The following SLC35F4 variants were observed in gnomAD, a reference collection of about 807,000 sequenced individuals.
The protein encoded by SLC35F4 is solute carrier family 35 member F4, also known as chromosome 14 open reading frame 36.
SLC35F4 carries 24 observed loss-of-function variants against 44.2 expected under a neutral mutation model. That is an observed-to-expected ratio of 0.54 (90% CI 0.39 to 0.76). The LOEUF is 0.76. Among genes scored for constraint, SLC35F4 ranks in the 30% least tolerant of loss-of-function variants. The pLI, the probability that SLC35F4 is intolerant of heterozygous loss-of-function variation, is 0.00. For synonymous variants in SLC35F4, 238 were observed against 223.6 expected, an observed-to-expected ratio of 1.06 and a Z score of -0.57; for missense variants, 562 against 586.1, an observed-to-expected ratio of 0.96 and a Z score of 0.42.
At chr14:57,966,356 T>A (rs1011188197) in intron 1 of SLC35F4, among the ~76,000 whole-genome samples, 20 of 152,248 alleles carry the variant, frequency 1.3e-4, no homozygotes, top group African/African-American at 4.6e-4. Flanking sequence ...AATTCTGTAA[T>A]ATATCTTAAA....
intron 1 of SLC35F4, among the ~76,000 whole-genome samples, chr14:57,703,727 A>G (rs1270228510): frequency 6.6e-6 from 1 of 152,214 alleles, no homozygotes; most frequent in Non-Finnish European, 1.5e-5. Context: ...AAAACTCCTC[A>G]GGAAATTATT....
chr14:57,719,483 T>C (rs1355422629), intron 1 of SLC35F4, among the ~76,000 whole-genome samples: 1 of 152,230 alleles, frequency 6.6e-6, no homozygotes, highest in Non-Finnish European at 1.5e-5. Flanking sequence ...TTTGGTGTCC[T>C]CTTCAATTTC....
chr14:57,714,455 G>A (rs1269473750), intron 1 of SLC35F4, among the ~76,000 whole-genome samples: 1 of 152,018 alleles, frequency 6.6e-6, no homozygotes, highest in East Asian at 1.9e-4. Flanking sequence ...CCTTTACAGA[G>A]CAAAACCATT....
chr14:57,833,599 T>G (rs540344486), intron 1 of SLC35F4, among the ~76,000 whole-genome samples: 1 of 152,304 alleles, frequency 6.6e-6, no homozygotes, highest in African/African-American at 2.4e-5. Flanking sequence ...AATGCTCTCC[T>G]CAATTGACAG....
intron 1 of SLC35F4, among the ~76,000 whole-genome samples, chr14:57,808,021 C>A (rs11625236): frequency 0.39 from 59,056 of 151,334 alleles, 12,607 homozygotes; most frequent in African/African-American, 0.53. Flanking sequence ...TTATCATGAA[C>A]ACAGCACAAG....
At chr14:57,830,928 G>C (rs1358345442) in intron 1 of SLC35F4, among the ~76,000 whole-genome samples, 2 of 152,160 alleles carry the variant, frequency 1.3e-5, no homozygotes, top group African/African-American at 4.8e-5. Flanking sequence ...AAGTTCAACA[G>C]CACTTGTATA....
chr14:57,838,691 C>T (rs1885186281), intron 1 of SLC35F4, among the ~76,000 whole-genome samples: 1 of 152,052 alleles, frequency 6.6e-6, no homozygotes, highest in Non-Finnish European at 1.5e-5. Flanking sequence ...TGATCAAGTG[C>T]CAAATAGCCC....
chr14:57,617,486 A>G (rs1026312333), intron 1 of SLC35F4, among the ~76,000 whole-genome samples: 9 of 152,168 alleles, frequency 5.9e-5, no homozygotes, highest in Admixed American at 3.3e-4. Flanking sequence ...AATCAGAGAT[A>G]CCTTTATATA....
At chr14:57,956,252 A>G (rs2141084394) in intron 1 of SLC35F4, among the ~76,000 whole-genome samples, 1 of 152,324 alleles carries the variant, frequency 6.6e-6, no homozygotes, top group Admixed American at 6.5e-5. Flanking sequence ...GAAAACTGAA[A>G]CTAGACCCCT....
intron 1 of SLC35F4, among the ~76,000 whole-genome samples, chr14:57,908,497 T>C (rs1208867867): frequency 1.3e-5 from 2 of 152,114 alleles, no homozygotes; most frequent in African/African-American, 4.8e-5. Flanking sequence ...GAAGAGATGG[T>C]ATCTCGTTGT....
chr14:57,859,211 G>A (rs1006587596), intron 1 of SLC35F4, among the ~76,000 whole-genome samples: 5 of 152,118 alleles, frequency 3.3e-5, no homozygotes, highest in African/African-American at 1.2e-4. Context: ...ACTAGTGATT[G>A]GCGAAGTAGA....
chr14:57,580,488 G>A (rs905975231), intron 4 of SLC35F4: 15 of 358,606 alleles, frequency 4.2e-5, no homozygotes, highest in Admixed American at 2.1e-4. Context: ...GTGGCATGCC[G>A]GATTATATGA....
intron 1 of SLC35F4, among the ~76,000 whole-genome samples, chr14:57,597,904 G>A (rs1299146484): frequency 1.3e-5 from 2 of 152,204 alleles, no homozygotes; most frequent in African/African-American, 4.8e-5. Context: ...GCAGTATACA[G>A]TGGCTAAGAA....
chr14:57,665,119 A>G (rs930531410), intron 1 of SLC35F4, among the ~76,000 whole-genome samples: 2 of 151,796 alleles, frequency 1.3e-5, no homozygotes, highest in African/African-American at 4.8e-5. Context: ...TCAAACATCA[A>G]CCGCCCTCCC....
chr14:57,625,202 T>C lies in SLC35F4; in HGVS notation c.104-31078A>G, dbSNP rs561138068. On this transcript the variant is annotated intron_variant, in intron 1 of 7. Transcript: ENST00000556826. ...ATCATGAGTGAACTCCCATTCACAA[T>C]TGCTACAAAGAGAATAAAATACATA... is the stretch of plus-strand genomic sequence containing the variant. Among the ~76,000 whole-genome samples, 8 of 152,106 alleles carry C rather than the reference T, an allele frequency of 5.3e-5. 1 individual carries two copies. Among genetic ancestry groups the C allele is most frequent in the African/African-American group, 1.2e-4 (5 of 41,504 alleles).
chr14:57,726,303 GA>G (rs1046347900), intron 1 of SLC35F4, among the ~76,000 whole-genome samples: 3 of 151,678 alleles, frequency 2.0e-5, no homozygotes, highest in South Asian at 2.1e-4. Flanking sequence ...CACTCTACCA[GA>G]AAAAAAACCA....
intron 1 of SLC35F4, among the ~76,000 whole-genome samples, chr14:57,659,427 T>C (rs1594732756): frequency 6.6e-6 from 1 of 152,188 alleles, no homozygotes; most frequent in East Asian, 1.9e-4. Flanking sequence ...CCTACATCTG[T>C]GCCACCCAGA....
intron 1 of SLC35F4, among the ~76,000 whole-genome samples, chr14:57,671,102 C>A (rs1209289022): frequency 6.6e-6 from 1 of 151,926 alleles, no homozygotes; most frequent in Non-Finnish European, 1.5e-5. Context: ...AGGGGTTTCA[C>A]TATGTTGGCC....
chr14:57,772,511 C>A (rs575964510), intron 1 of SLC35F4, among the ~76,000 whole-genome samples: 3 of 152,242 alleles, frequency 2.0e-5, no homozygotes, highest in East Asian at 1.9e-4. Context: ...AATTTTTCAA[C>A]CTTCACCCCA....
Sources: gnomAD v4.1 joint callset for allele counts (sites outside exome capture counted in the v4.1 genomes callset) on GRCh38, gnomAD v4.1.1 for gene constraint, MANE v1.5 for transcripts, NCBI Gene and HGNC (gene_info 2026-07-23, HGNC 2026-07-21) for gene names.